MAP4: variants seen among roughly 807,000 people sequenced by gnomAD.
The protein encoded by MAP4 is microtubule associated protein 4.
Under a neutral mutation model 170.2 loss-of-function variants are expected in MAP4, and 76 were observed. The ratio of observed to expected loss-of-function variants is 0.45; its 90% CI spans 0.37 to 0.54. MAP4 has a LOEUF of 0.54. MAP4 is among the 20% of genes least tolerant of loss of function. The pLI is 0.00. For missense variants in MAP4, 2,506 were observed against 2,748.0 expected, an observed-to-expected ratio of 0.91 and a Z score of 1.97; for synonymous variants, 909 against 994.5, an observed-to-expected ratio of 0.91 and a Z score of 1.62.
Position 47,993,194 on chromosome 3 carries a change from C to T in MAP4, c.223+5444G>A, listed in dbSNP as rs759179071. On this transcript the variant is annotated intron_variant, in intron 2 of 20. Transcript: ENST00000683076. ...AAGACATCAGCCAGATGCAGTGGTC[C>T]GCACCTATAGTCCCAGCTACTTGGA... Among the ~76,000 whole-genome samples the T allele has an allele frequency of 7.9e-5, 12 of 152,100 alleles. 1 individual carries two copies. The highest frequency in any genetic ancestry group is 6.2e-4 in the South Asian group (3 of 4,806).
Position 47,910,280 on chromosome 3 carries a change from G to A in MAP4, c.4141C>T (p.Leu1381=). ...TTTGTTGCATCTATCTTATTCTCCA[G>A]AATGTGCTTCTCAGGAGAACTATTT... The part of the protein sequence containing the change: ...VKNSSPEKHI[L]ENKIDATKIH... Residue 1381 remains leucine, a synonymous_variant, in exon 9 of 21, where the codon CTG becomes TTG. Coordinates refer to ENST00000683076, the MANE Select transcript of MAP4 (RefSeq NM_001385682.1). The A allele has an allele frequency of 6.2e-7, 1 of 1,600,862 alleles. No individual in the cohort carries two copies. Among genetic ancestry groups the A allele is most frequent in the Non-Finnish European group, 8.5e-7 (1 of 1,178,180 alleles).
chr3:47,928,296 C>G lies in MAP4; in HGVS notation c.347G>C (p.Ser116Thr), dbSNP rs2100047245. The change falls in exon 4 of 21, where the codon AGC (serine) becomes ACC (threonine). Residue 116 changes from serine (S) to threonine (T), a missense_variant. Physicochemically the swap from Ser to Thr is moderately conservative, Grantham distance 58. Around this residue, in one of 3 missense-constraint regions of MAP4, gnomAD observed 2,008 missense variants for 2,206.0 expected, o/e 0.91. Transcript: ENST00000683076. ...EKMAYQEYPN[S>T]QNWPEDTNFC... ...GTTGGTATCTTCTGGCCAGTTCTGG[C>G]TATTTGGGTATTCCTGGTAGGCCAT... The G allele has an allele frequency of 6.2e-7, 1 of 1,614,016 alleles. No individual in the cohort carries two copies. The highest frequency in any genetic ancestry group is 1.7e-5 in the Admixed American group (1 of 59,986).
At position 47,911,789 on chromosome 3, in the gene MAP4, C is replaced by G. The variant is rs1352445486; in HGVS notation, c.2632G>C (p.Glu878Gln). The change falls in exon 9 of 21, where the codon GAG becomes CAG. Residue 878 changes from glutamate (E) to glutamine (Q), a missense_variant. Glu to Gln is a conservative substitution (Grantham distance 29). Coordinates refer to ENST00000683076, the MANE Select transcript of MAP4 (RefSeq NM_001385682.1). The surrounding 1 kb of genome is among the most constrained non-coding windows in gnomAD (Gnocchi z 4.0). ...AISSQSKLRV[E>Q]EESKSNKSVL... The stretch of plus-strand genomic sequence containing the variant: ...GACTTGTTACTTTTGCTCTCTTCCT[C>G]TACTCTCAGCTTAGACTGAGAACTT... 6.5e-7 allele frequency: 1 copy of G among 1,536,162 alleles called. No individual in the cohort carries two copies. The highest frequency in any genetic ancestry group is 1.2e-5 in the South Asian group (1 of 84,060).
chr3:48,058,394 A>G (rs2100133420), intron 1 of MAP4, among the ~76,000 whole-genome samples: 1 of 152,248 alleles, frequency 6.6e-6, no homozygotes, highest in Admixed American at 6.5e-5. Context: ...AGTAGCACAC[A>G]TAAATACTAC....
At chr3:47,907,345 G>T (rs1478352079) in intron 9 of MAP4, among the ~76,000 whole-genome samples, 1 of 152,084 alleles carries the variant, frequency 6.6e-6, no homozygotes, top group African/African-American at 2.4e-5. Context: ...AATGGAGGGA[G>T]GCCAACTTAC....
At chr3:48,024,064 C>A (rs997427371) in intron 1 of MAP4, among the ~76,000 whole-genome samples, 1 of 152,200 alleles carries the variant, frequency 6.6e-6, no homozygotes, top group Non-Finnish European at 1.5e-5. Context: ...GTAATCCCAG[C>A]ACTTGGGGAG....
At chr3:47,950,474 G>A (rs923311509) in intron 3 of MAP4, among the ~76,000 whole-genome samples, 1 of 152,050 alleles carries the variant, frequency 6.6e-6, no homozygotes, top group African/African-American at 2.4e-5. Flanking sequence ...ATAATATACT[G>A]GCAAAAACCT....
intron 10 of MAP4, among the ~76,000 whole-genome samples, chr3:47,898,802 GT>G (rs894316599): frequency 6.6e-6 from 1 of 152,060 alleles, no homozygotes; most frequent in African/African-American, 2.4e-5. Flanking sequence ...AGAAAAAAAT[GT>G]TTTTTAGCCA....
intron 3 of MAP4, among the ~76,000 whole-genome samples, chr3:47,955,080 T>C (rs376232495): frequency 6.6e-6 from 1 of 152,200 alleles, no homozygotes; most frequent in African/African-American, 2.4e-5. Flanking sequence ...TATATCTTGA[T>C]TTAACTCGCC....
chr3:47,916,925 G>A lies in MAP4; in HGVS notation c.902C>T (p.Ala301Val). ...DMQPSMESDM[A>V]LVKDMELPTE... ...GGGTAGTTCCATGTCCTTGACTAGG[G>A]CCATATCTGATTCCATGGATGGCTG... The change falls in exon 7 of 21, where the codon GCC becomes GTC. Residue 301 changes from alanine (A) to valine (V), a missense_variant. Ala to Val is a moderately conservative substitution (Grantham distance 64). Around this residue, in one of 3 missense-constraint regions of MAP4, gnomAD observed 2,008 missense variants for 2,206.0 expected, o/e 0.91. Coordinates refer to ENST00000683076, the MANE Select transcript of MAP4 (RefSeq NM_001385682.1). 1 of 1,614,204 alleles carries A rather than the reference G, an allele frequency of 6.2e-7. No homozygotes were observed. Among genetic ancestry groups the A allele is most frequent in the Non-Finnish European group, 8.5e-7 (1 of 1,180,044 alleles).
intron 10 of MAP4, chr3:47,891,378 C>T (rs1327816245): frequency 5.2e-6 from 8 of 1,536,046 alleles, no homozygotes; most frequent in South Asian, 1.2e-5. Context: ...GGCAGTTTCC[C>T]AGGGCTCAAT....
intron 2 of MAP4, among the ~76,000 whole-genome samples, chr3:47,986,213 A>G (rs944240206): frequency 6.6e-5 from 10 of 152,232 alleles, no homozygotes; most frequent in Non-Finnish European, 1.5e-4. Context: ...TCCTAGGCTT[A>G]AGCAATCCTC....
rs539315631 is a variant in MAP4, at chr3:47,892,447, G to A, written c.5434+10503C>T. 1.2e-4 allele frequency: 182 copies of A among 1,535,572 alleles called. No homozygotes were observed. The African/African-American group carries it at 1.2e-3, about 10-fold the overall frequency. On this transcript the variant is annotated intron_variant, in intron 10 of 20. Coordinates refer to ENST00000683076, the MANE Select transcript of MAP4 (RefSeq NM_001385682.1). ...CAGGCTTGCCCTTACTGAGCTGACC[G>A]TACGCGGCAGTGAGAGAGGCTGTCT... is the stretch of plus-strand genomic sequence containing the variant.
chr3:48,048,428 G>A (rs1270312928), intron 1 of MAP4, among the ~76,000 whole-genome samples: 1 of 150,204 alleles, frequency 6.7e-6, no homozygotes, highest in Non-Finnish European at 1.5e-5. Context: ...AGGCCTGAAA[G>A]GAATTACCAG....
At chr3:47,946,389 C>T (rs2100059942) in intron 3 of MAP4, among the ~76,000 whole-genome samples, 1 of 151,604 alleles carries the variant, frequency 6.6e-6, no homozygotes. Context: ...CATGATGGCT[C>T]ACGCCTGTAA....
Position 47,871,916 on chromosome 3 carries a change from C to G in MAP4, c.5941+1G>C. Reference sequence around the variant, plus strand: ...CCATGGGAGAGAAAGGCAATACTCACCAGTGGGCTTCTTGGGCAGGAGCGT... The same window carrying G: ...CCATGGGAGAGAAAGGCAATACTCAGCAGTGGGCTTCTTGGGCAGGAGCGT... On this transcript the variant is annotated splice_donor_variant, in intron 13 of 20. Transcript: ENST00000683076. LOFTEE classifies it high-confidence loss of function. 6.2e-7 allele frequency: 1 copy of G among 1,608,382 alleles called. No homozygotes were observed. Among genetic ancestry groups the G allele is most frequent in the Non-Finnish European group, 8.5e-7 (1 of 1,176,030 alleles).
intron 3 of MAP4, among the ~76,000 whole-genome samples, chr3:47,958,795 T>C (rs1400202994): frequency 1.3e-5 from 2 of 151,738 alleles, no homozygotes; most frequent in East Asian, 1.9e-4. Flanking sequence ...GCAATTCTCC[T>C]GCCTCAGCCT....
intron 10 of MAP4, chr3:47,892,718 C>G (rs1393121438): frequency 1.5e-6 from 2 of 1,349,962 alleles, no homozygotes; most frequent in East Asian, 2.9e-5. Flanking sequence ...AGGAAGGAAC[C>G]TGCTGCTTTC....
At chr3:47,929,377 T>C (rs979069129) in intron 3 of MAP4, among the ~76,000 whole-genome samples, 6 of 151,772 alleles carry the variant, frequency 4.0e-5, no homozygotes, top group Admixed American at 1.3e-4. Flanking sequence ...ATTGACAACG[T>C]GGTATTGGAA....
Sources: gnomAD v4.1 joint callset for allele counts (sites outside exome capture counted in the v4.1 genomes callset) on GRCh38, gnomAD v4.1.1 for gene constraint, gnomAD v4.1.1 regional missense constraint, Gnocchi (gnomAD v3.1) non-coding constraint, MANE v1.5 for transcripts, NCBI Gene and HGNC (gene_info 2026-07-23, HGNC 2026-07-21) for gene names.